The following SLC4A11 variants were observed in gnomAD, a reference collection of about 807,000 sequenced individuals.
SLC4A11 encodes the protein bicarbonate transporter related protein 1.
Under a neutral mutation model 95.0 loss-of-function variants are expected in SLC4A11, and 74 were observed. The observed-to-expected ratio is 0.78, with a 90% confidence interval of 0.65 to 0.95. The LOEUF is 0.95. Among genes scored for constraint, SLC4A11 ranks in the 40% least tolerant of loss-of-function variants. The probability of loss-of-function intolerance (pLI) is 0.00; values close to 1 mark genes in which losing one functional copy is unlikely to be tolerated. For missense variants in SLC4A11, 1,081 were observed against 1,192.4 expected (o/e 0.91, Z 1.38); for synonymous variants, 548 against 519.0 (o/e 1.06, Z -0.76).
chr20:3,234,051 C>A lies in SLC4A11; in HGVS notation c.523+32G>T, dbSNP rs767868416. ...GTGGTGGGTCAACAGCCCCTCCCAA[C>A]GCCCCCGCCCGGGCCGGGAGACCGG... is the stretch of plus-strand genomic sequence containing the variant. On this transcript the variant is annotated intron_variant, in intron 5 of 19. Coordinates refer to ENST00000642402, the MANE Select transcript of SLC4A11 (RefSeq NM_001174089.2). The surrounding 1 kb of genome is among the most constrained non-coding windows in gnomAD (Gnocchi z 5.8). 1.9e-6 allele frequency: 3 copies of A among 1,613,620 alleles called. No individual in the cohort carries two copies. The highest frequency in any genetic ancestry group is 1.7e-5 in the Admixed American group (1 of 60,022).
chr20:3,229,313 C>T (rs201392548), intron 15 of SLC4A11, 33 bp downstream of exon 15: 2 of 1,613,020 alleles, frequency 1.2e-6, no homozygotes, highest in Non-Finnish European at 8.5e-7. Flanking sequence ...TGGGGAGCTA[C>T]CCCACGTCAC....
chr20:3,228,447 G>A lies in SLC4A11; in HGVS notation c.2389-19C>T, dbSNP rs200427135. 413 of 1,613,052 alleles carry A rather than the reference G, an allele frequency of 2.6e-4. 1 individual carries two copies. Among genetic ancestry groups the A allele is most frequent in the Admixed American group, 9.5e-4 (57 of 60,014 alleles). ...ACGCAGTCTGTGGGCGGCAGGGACCGGGTGTGGGCAGGCATGGGGCTGTGT... is the reference window on the plus strand; with the variant it reads ...ACGCAGTCTGTGGGCGGCAGGGACCAGGTGTGGGCAGGCATGGGGCTGTGT... On this transcript the variant is annotated intron_variant, in intron 18 of 19. Transcript: ENST00000642402.
chr20:3,233,761 G>T, intron 6 of SLC4A11, 124 bp from the exon 7 acceptor site: 1 of 1,537,692 alleles, frequency 6.5e-7, no homozygotes, highest in East Asian at 2.3e-5. Context: ...AAGAGCAAAT[G>T]GGACGTTCCT....
upstream of SLC4A11, chr20:3,239,510 C>T: frequency 1.0e-6 from 1 of 996,632 alleles, no homozygotes; most frequent in Non-Finnish European, 1.2e-6. Context: ...TCTGGGAAAA[C>T]GTTCGACTGC....
intron 16 of SLC4A11, 35 bp downstream of exon 16, chr20:3,229,060 G>GGGGCCCCCCCCCCCCC: frequency 1.9e-6 from 3 of 1,541,986 alleles, no homozygotes; most frequent in African/African-American, 1.4e-5. Flanking sequence ...AGAGGCCCGG[G>GGGGCCCCCCCCCCCCC]CCCCGCCCAC....
At chr20:3,233,438 T>C in intron 7 of SLC4A11, 76 bp downstream of exon 7, 1 of 1,602,618 alleles carries the variant, frequency 6.2e-7, no homozygotes, top group East Asian at 2.2e-5. Flanking sequence ...CCAGGACATG[T>C]GGGAGGGGAC....
chr20:3,235,415 G>A (rs1322226153), intron 2 of SLC4A11, among the ~76,000 whole-genome samples: 1 of 151,764 alleles, frequency 6.6e-6, no homozygotes, highest in Non-Finnish European at 1.5e-5. Flanking sequence ...GTGGGGAGAA[G>A]CATCGAGGCT....
chr20:3,230,169 GC>G lies in SLC4A11; in HGVS notation c.1489+17del. On this transcript the variant is annotated intron_variant, in intron 13 of 19. Coordinates refer to ENST00000642402, the MANE Select transcript of SLC4A11 (RefSeq NM_001174089.2). ...GGCTGAGCGCCCTGTTCAGCAGGTG[GC>G]CCCCAGCCGCACTCACTTTTAACCG... 1 of 1,613,214 alleles carries G rather than the reference GC, an allele frequency of 6.2e-7. No homozygotes were observed. Among genetic ancestry groups the G allele is most frequent in the Non-Finnish European group, 8.5e-7 (1 of 1,179,872 alleles).
chr20:3,235,303 TCTCTCTCACACACACA>T (rs1284164926), intron 2 of SLC4A11, among the ~76,000 whole-genome samples: 5 of 114,842 alleles, frequency 4.4e-5, no homozygotes, highest in African/African-American at 1.5e-4. Flanking sequence ...TCTCTCTCTC[TCTCTCTCACACACACA>T]CACACACACA....
chr20:3,230,818 C>T lies in SLC4A11; in HGVS notation c.1196G>A (p.Ser399Asn). The change falls in exon 11 of 20, where the codon AGC (serine) becomes AAC (asparagine). Residue 399 changes from serine to asparagine, a missense_variant. By Grantham distance (46) the Ser-to-Asn change is conservative. Coordinates refer to ENST00000642402, the MANE Select transcript of SLC4A11 (RefSeq NM_001174089.2). ...GAGCGCGTAGAGCAGGCCCCCGATG[C>T]TCTGCCCGGCTATGGTCTTCTGCAC... ...IDVQKTIAGQ[S>N]IGGLLYALFS... 6.2e-7 allele frequency: 1 copy of T among 1,613,378 alleles called. No homozygotes were observed. The highest frequency in any genetic ancestry group is 1.1e-5 in the South Asian group (1 of 91,086).
At position 3,229,760 on chromosome 20, in the gene SLC4A11, G is replaced by A. The variant is rs1361569288; in HGVS notation, c.1506C>T (p.Tyr502=). Residue 502 remains tyrosine (Y), a synonymous_variant, in exon 14 of 20, where the codon TAC becomes TAT. Transcript: ENST00000642402. The part of the protein sequence containing the change: ...KGTVKIFWKY[Y]YGHYLDDYHT... ...GATAGTCGTCCAAGTAATGCCCATA[G>A]TAGTACTTCCAGAAGACTGTGGACA... 3.7e-6 allele frequency: 6 copies of A among 1,613,820 alleles called. No individual in the cohort carries two copies. The highest frequency in any genetic ancestry group is 3.3e-5 in the South Asian group (3 of 91,092).
At position 3,229,341 on chromosome 20, in the gene SLC4A11, C is replaced by A; in HGVS notation, c.1849+5G>T. ...CACGTCACCCACCGCCCGGCCCCAA[C>A]TCACTCTCGATTTCCCGGAAGCCAT... On this transcript the variant is annotated splice_donor_5th_base_variant and intron_variant, in intron 15 of 19. Coordinates refer to ENST00000642402, the MANE Select transcript of SLC4A11 (RefSeq NM_001174089.2). The A allele has an allele frequency of 6.2e-7, 1 of 1,613,262 alleles. No individual in the cohort carries two copies. Among genetic ancestry groups the A allele is most frequent in the Non-Finnish European group, 8.5e-7 (1 of 1,180,010 alleles).
chr20:3,233,678 A>G (rs7262083), intron 6 of SLC4A11, 41 bp from the exon 7 acceptor site: 121,782 of 1,606,986 alleles, frequency 0.076, 5,165 homozygotes, highest in Non-Finnish European at 0.085. Context: ...GTTGCACCCC[A>G]GGGAGCTGGG....
At chr20:3,227,969 C>A in intron 19 of SLC4A11, 113 bp from the exon 20 acceptor site, 1 of 940,676 alleles carries the variant, frequency 1.1e-6, no homozygotes, top group Non-Finnish European at 1.6e-6. Context: ...CTCCTCCCCG[C>A]CCGCCTACCC....
At chr20:3,235,297 TCTCTCTCTCTCTCACA>T (rs2067936432) in intron 2 of SLC4A11, among the ~76,000 whole-genome samples, 2 of 112,288 alleles carry the variant, frequency 1.8e-5, no homozygotes, top group Admixed American at 2.2e-4. Flanking sequence ...TCTCTCTCTC[TCTCTCTCTCTCTCACA>T]CACACACACA....
intron 16 of SLC4A11, 34 bp downstream of exon 16, chr20:3,229,061 C>T (rs776162000): frequency 1.6e-5 from 8 of 495,106 alleles, no homozygotes; most frequent in East Asian, 6.9e-5. Flanking sequence ...GAGGCCCGGG[C>T]CCCGCCCACC....
In SLC4A11 at chr20:3,231,367, C is replaced by T. The variant is rs752155171; in HGVS notation, c.911G>A (p.Arg304His). Residue 304 changes from arginine to histidine, a missense_variant, in exon 8 of 20, where the codon CGC becomes CAC. Physicochemically the swap from Arg to His is conservative, Grantham distance 29 (BLOSUM62 0). Around this residue, in one of 3 missense-constraint regions of SLC4A11, gnomAD observed 767 missense variants for 858.0 expected, o/e 0.89. Coordinates refer to ENST00000642402, the MANE Select transcript of SLC4A11 (RefSeq NM_001174089.2). The surrounding 1 kb of genome is among the most constrained non-coding windows in gnomAD (Gnocchi z 5.2). ...GTGGGCAGGGAGGGAGACTGTGCTG[C>T]GTTCCTTCGTTCTCGGCGCCACTGG... Reference protein sequence around the residue: ...HGPVAPRTKERSTVSLPAHRH... With the variant: ...HGPVAPRTKEHSTVSLPAHRH... The T allele has an allele frequency of 1.1e-5, 17 of 1,613,944 alleles. No individual in the cohort carries two copies. The African/African-American group carries it at 1.3e-4, about 13-fold the overall frequency.
chr20:3,232,933 T>C (rs2067828693), intron 7 of SLC4A11, among the ~76,000 whole-genome samples: 1 of 152,056 alleles, frequency 6.6e-6, no homozygotes, highest in African/African-American at 2.4e-5. Flanking sequence ...CACAGTTGCA[T>C]TTGTGGAGGT....
chr20:3,232,018 C>A (rs1268035829), intron 7 of SLC4A11, among the ~76,000 whole-genome samples: 1 of 152,160 alleles, frequency 6.6e-6, no homozygotes, highest in Non-Finnish European at 1.5e-5. Flanking sequence ...ATGATTTCAA[C>A]CAGGTCAGCA....
Sources: gnomAD v4.1 joint callset for allele counts (sites outside exome capture counted in the v4.1 genomes callset) on GRCh38, gnomAD v4.1.1 for gene constraint, gnomAD v4.1.1 regional missense constraint, Gnocchi (gnomAD v3.1) non-coding constraint, MANE v1.5 for transcripts, NCBI Gene and HGNC (gene_info 2026-07-23, HGNC 2026-07-21) for gene names.